Variants in VWA8 observed in about 807,000 individuals in gnomAD.
VWA8 encodes von Willebrand factor A domain-containing protein 8.
VWA8 carries 221 observed loss-of-function variants against 241.5 expected under a neutral mutation model. The observed-to-expected ratio is 0.91, with a 90% CI of 0.82 to 1.02. The LOEUF (loss-of-function observed/expected upper bound fraction) is 1.02. Ranked by LOEUF, VWA8 falls within the 50% of genes least tolerant of loss-of-function variation. The pLI is 0.00. For missense variants in VWA8, 2,322 were observed against 2,328.7 expected (o/e 1.00, Z 0.06); for synonymous variants, 852 against 827.1 (o/e 1.03, Z -0.52).
At chr13:41,732,252 T>G in intron 21 of VWA8, 97 bp from the exon 22 acceptor site, 1 of 1,148,000 alleles carries the variant, frequency 8.7e-7, no homozygotes, top group Non-Finnish European at 1.2e-6. Context: ...TAAAAGATTT[T>G]TGTTCATCAT....
intron 4 of VWA8, among the ~76,000 whole-genome samples, chr13:41,899,714 A>G (rs1043183634): frequency 5.3e-5 from 8 of 152,238 alleles, no homozygotes; most frequent in African/African-American, 1.9e-4. Flanking sequence ...ATAAATTTTA[A>G]AAATAAGCAA....
At chr13:41,650,864 C>T (rs2139687701) in intron 37 of VWA8, among the ~76,000 whole-genome samples, 1 of 152,204 alleles carries the variant, frequency 6.6e-6, no homozygotes, top group Non-Finnish European at 1.5e-5. Context: ...TGGCATGCAG[C>T]CTTAAAGGAA....
chr13:41,944,953 G>A (rs1365444478), intron 2 of VWA8, among the ~76,000 whole-genome samples: 1 of 152,196 alleles, frequency 6.6e-6, no homozygotes, highest in African/African-American at 2.4e-5. Flanking sequence ...GTTTGCAGAA[G>A]GCTTTGAAAA....
At chr13:41,751,236 T>A (rs1247708247) in intron 21 of VWA8, among the ~76,000 whole-genome samples, 26 of 152,136 alleles carry the variant, frequency 1.7e-4, no homozygotes, top group Non-Finnish European at 2.9e-5. Context: ...GTAGAGGAAC[T>A]GCCATAATTC....
chr13:41,638,204 C>T (rs1284546515), intron 37 of VWA8, among the ~76,000 whole-genome samples: 1 of 152,078 alleles, frequency 6.6e-6, no homozygotes, highest in Non-Finnish European at 1.5e-5. Context: ...TTTATATCTA[C>T]GTAAAGACGG....
intron 2 of VWA8, among the ~76,000 whole-genome samples, chr13:41,922,382 T>G (rs1343551327): frequency 2.6e-5 from 4 of 152,170 alleles, no homozygotes; most frequent in African/African-American, 9.7e-5. Flanking sequence ...GGGCAAGGAC[T>G]TCATGTCTAA....
chr13:41,770,453 A>G (rs557826050), intron 20 of VWA8, among the ~76,000 whole-genome samples: 16 of 151,548 alleles, frequency 1.1e-4, no homozygotes, highest in South Asian at 8.3e-4. Context: ...AAAAAAAAAA[A>G]AAAAGAAAAG....
chr13:41,720,202 G>A (rs1401244591), intron 25 of VWA8, among the ~76,000 whole-genome samples: 1 of 152,064 alleles, frequency 6.6e-6, no homozygotes, highest in Non-Finnish European at 1.5e-5. Flanking sequence ...AACATAAAAA[G>A]TGCAAACAAC....
Position 41,706,891 on chromosome 13 carries a change from C to A in VWA8, c.3117-3480G>T, listed in dbSNP as rs2045286104. On this transcript the variant is annotated intron_variant, in intron 26 of 44. Transcript: ENST00000379310. ...CTGGAAAGATGTGTGGATTTGATTTCATGGGGAAGGAGAAGGAACTTAAGG... is the reference window on the plus strand; with the variant it reads ...CTGGAAAGATGTGTGGATTTGATTTAATGGGGAAGGAGAAGGAACTTAAGG... 2.0e-5 allele frequency among the ~76,000 whole-genome samples: 3 copies of A among 152,146 alleles called. No individual in the cohort carries two copies. In the South Asian group the frequency reaches 6.2e-4, roughly 31 times the overall value.
At chr13:41,882,124 C>A (rs905434247) in intron 9 of VWA8, among the ~76,000 whole-genome samples, 5 of 148,550 alleles carry the variant, frequency 3.4e-5, no homozygotes, top group African/African-American at 1.3e-4. Context: ...ACCTCCCAGA[C>A]GGGGTCGCGG....
chr13:41,711,930 T>G (rs867746561), intron 26 of VWA8, among the ~76,000 whole-genome samples: 8 of 148,374 alleles, frequency 5.4e-5, no homozygotes, highest in African/African-American at 1.0e-4. Flanking sequence ...GAAGAATTTG[T>G]TAATGCAAAC....
chr13:41,602,331 A>G (rs1376941513), intron 40 of VWA8, among the ~76,000 whole-genome samples: 1 of 152,038 alleles, frequency 6.6e-6, no homozygotes, highest in Non-Finnish European at 1.5e-5. Context: ...GAGAAAAGAG[A>G]CCCTAACAAA....
intron 17 of VWA8, among the ~76,000 whole-genome samples, chr13:41,803,987 T>C (rs1302004479): frequency 6.6e-6 from 1 of 151,826 alleles, no homozygotes; most frequent in Non-Finnish European, 1.5e-5. Flanking sequence ...AAACACACAG[T>C]CAGAGGAGAC....
At chr13:41,661,054 C>T (rs937059624) in intron 37 of VWA8, among the ~76,000 whole-genome samples, 11 of 151,970 alleles carry the variant, frequency 7.2e-5, no homozygotes, top group South Asian at 6.2e-4. Context: ...TTAGTAGAGA[C>T]GGGGTTTCAC....
At position 41,608,153 on chromosome 13, in the gene VWA8, A is replaced by G. The variant is rs369464410; in HGVS notation, c.4878-2877T>C. Among the ~76,000 whole-genome samples, 17 of 152,300 alleles carry G rather than the reference A, an allele frequency of 1.1e-4. No individual in the cohort carries two copies. In the East Asian group the frequency reaches 2.7e-3, roughly 24 times the overall value. ...TTGCAGAGTGATCAGAATTAGCTTC[A>G]GTTATAGGCCTACCACTGGTGCGAT... is the stretch of plus-strand genomic sequence containing the variant. On this transcript the variant is annotated intron_variant, in intron 39 of 44. Coordinates refer to ENST00000379310, the MANE Select transcript of VWA8 (RefSeq NM_015058.2).
At position 41,690,175 on chromosome 13, in the gene VWA8, C is replaced by T. The variant is rs749557051; in HGVS notation, c.3967G>A (p.Val1323Ile). 5.5e-5 allele frequency: 88 copies of T among 1,612,070 alleles called. No individual in the cohort carries two copies. The highest frequency in any genetic ancestry group is 1.2e-4 in the Admixed American group (7 of 59,838). The change falls in exon 33 of 45, where the codon GTT (valine) becomes ATT (isoleucine). Residue 1323 changes from valine (V) to isoleucine (I), a missense_variant. By Grantham distance (29) the Val-to-Ile change is conservative. Coordinates refer to ENST00000379310, the MANE Select transcript of VWA8 (RefSeq NM_015058.2). The stretch of plus-strand genomic sequence containing the variant: ...ATGACATAGTATTTACCTTGTGTAA[C>T]TCCAAACCCTGTGCTGGGCGGCTCC... ...KEEPPSTGFG[V>I]TQETEFSIPH...
chr13:41,739,800 C>T (rs1209583317), intron 21 of VWA8, among the ~76,000 whole-genome samples: 2 of 150,840 alleles, frequency 1.3e-5, no homozygotes, highest in Non-Finnish European at 3.0e-5. Context: ...TCAACCCCAG[C>T]CTATCTTCCA....
chr13:41,783,843 T>TTC lies in VWA8; in HGVS notation c.2228_2229insGA (p.His744AsnfsTer5), dbSNP rs764467986. On this transcript the variant is annotated frameshift_variant, in exon 19 of 45. Transcript: ENST00000379310. LOFTEE classifies it high-confidence loss of function. ...CATCAGGCACTTTCATTTTCTCATG[T>TTC]GCATTATAGATCGGTGCACTAACAG... 94 of 1,613,876 alleles carry TTC rather than the reference T, an allele frequency of 5.8e-5. 2 individuals are homozygous for TTC. The South Asian group carries it at 9.3e-4, about 16-fold the overall frequency.
chr13:41,592,486 A>T (rs1431783634), intron 40 of VWA8, among the ~76,000 whole-genome samples: 1 of 151,450 alleles, frequency 6.6e-6, no homozygotes, highest in African/African-American at 2.4e-5. Context: ...AAATAAAATA[A>T]AATAAAATAA....
Sources: allele counts gnomAD v4.1 joint callset (sites outside exome capture counted in the v4.1 genomes callset), GRCh38; gene constraint gnomAD v4.1.1; transcripts MANE v1.5; gene names NCBI Gene and HGNC (gene_info 2026-07-23, HGNC 2026-07-21).